PPP1R9A: variants seen among roughly 807,000 people sequenced by gnomAD.
PPP1R9A encodes the protein neurabin-1.
In PPP1R9A, 59 loss-of-function variants were observed where a neutral mutation model predicts 141.9. That is an observed-to-expected ratio of 0.42 (90% confidence interval 0.34 to 0.52). The LOEUF (loss-of-function observed/expected upper bound fraction) is 0.52, where lower values mean the gene tolerates loss of function less well. Among genes scored for constraint, PPP1R9A ranks in the 20% least tolerant of loss-of-function variants. The pLI, the probability that PPP1R9A is intolerant of heterozygous loss-of-function variation, is 0.10. For missense variants in PPP1R9A, 1,444 were observed against 1,611.9 expected (o/e 0.90, Z 1.78); for synonymous variants, 500 against 569.7 (o/e 0.88, Z 1.74).
At chr7:95,007,932 C>T (rs913280377) in intron 2 of PPP1R9A, among the ~76,000 whole-genome samples, 5 of 151,964 alleles carry the variant, frequency 3.3e-5, no homozygotes, top group African/African-American at 9.7e-5. Flanking sequence ...ATTAGCTGGG[C>T]GTGGTGGTGC....
chr7:95,296,150 A>G lies in PPP1R9A; in HGVS notation c.*5847A>G, dbSNP rs1168718358. The G allele has an allele frequency of 6.6e-6, 1 of 152,636 alleles. No individual in the cohort carries two copies. The highest frequency in any genetic ancestry group is 1.5e-5 in the Non-Finnish European group (1 of 68,040). 9.5% of individuals were successfully genotyped at this position (152,636 alleles called of 1,614,324 possible). A position where few individuals can be genotyped will look rare whatever the true frequency, so the allele number is the denominator to read the frequency against. On this transcript the variant is annotated 3_prime_UTR_variant, in exon 20 of 20. Transcript: ENST00000433360. ...TCTGATCATTTGCATGGAAGAGACA[A>G]TAGTGCCACGTCTGAATTGTTCTCT... is the stretch of plus-strand genomic sequence containing the variant.
At chr7:95,217,984 G>A (rs1435209424) in intron 7 of PPP1R9A, among the ~76,000 whole-genome samples, 1 of 152,076 alleles carries the variant, frequency 6.6e-6, no homozygotes, top group African/African-American at 2.4e-5. Flanking sequence ...GTTCCACTCT[G>A]ATCTTAGTGA....
intron 12 of PPP1R9A, among the ~76,000 whole-genome samples, chr7:95,259,927 A>G (rs551878083): frequency 4.5e-4 from 69 of 152,240 alleles, no homozygotes; most frequent in African/African-American, 1.5e-3. Flanking sequence ...TTTTGCATAC[A>G]GATATAATGT....
chr7:95,267,526 G>A (rs552137713), intron 12 of PPP1R9A, among the ~76,000 whole-genome samples: 1 of 152,060 alleles, frequency 6.6e-6, no homozygotes, highest in African/African-American at 2.4e-5. Flanking sequence ...GTATGTTAAT[G>A]GGTACCTTTC....
At chr7:94,956,195 A>G (rs1283218119) in intron 2 of PPP1R9A, among the ~76,000 whole-genome samples, 4 of 152,110 alleles carry the variant, frequency 2.6e-5, no homozygotes, top group East Asian at 1.9e-4. Context: ...CCTTGGCTCT[A>G]AAGTACCGGT....
chr7:94,956,727 A>G (rs1797114311), intron 2 of PPP1R9A, among the ~76,000 whole-genome samples: 1 of 152,030 alleles, frequency 6.6e-6, no homozygotes, highest in Non-Finnish European at 1.5e-5. Context: ...AAAAAGTGGT[A>G]TGTAGAGATG....
intron 2 of PPP1R9A, among the ~76,000 whole-genome samples, chr7:95,077,090 A>G (rs1300741525): frequency 2.6e-5 from 4 of 152,108 alleles, no homozygotes; most frequent in African/African-American, 4.8e-5. Context: ...GTGTAAATAT[A>G]GAGTTGGCTT....
chr7:95,102,876 C>T (rs1476961208), intron 2 of PPP1R9A, among the ~76,000 whole-genome samples: 1 of 152,116 alleles, frequency 6.6e-6, no homozygotes. Flanking sequence ...TATGGGTCAA[C>T]GTTGGTAGGC....
chr7:95,044,708 C>T (rs999047907), intron 2 of PPP1R9A, among the ~76,000 whole-genome samples: 15 of 135,766 alleles, frequency 1.1e-4, no homozygotes, highest in African/African-American at 4.3e-4. Context: ...CCACACCCAG[C>T]TAATTAAATA....
chr7:95,253,533 G>A (rs1215763075), intron 12 of PPP1R9A, among the ~76,000 whole-genome samples: 1 of 148,748 alleles, frequency 6.7e-6, no homozygotes, highest in African/African-American at 2.5e-5. Flanking sequence ...CTCTTAGGCA[G>A]CTGAAAGAGG....
At chr7:94,946,400 A>G (rs1795900339) in intron 2 of PPP1R9A, among the ~76,000 whole-genome samples, 1 of 152,094 alleles carries the variant, frequency 6.6e-6, no homozygotes, top group South Asian at 2.1e-4. Flanking sequence ...TTATGGAGGC[A>G]CTGTGTAGAG....
intron 2 of PPP1R9A, among the ~76,000 whole-genome samples, chr7:95,040,445 C>G (rs1409680245): frequency 6.6e-6 from 1 of 151,600 alleles, no homozygotes; most frequent in African/African-American, 2.4e-5. Context: ...TTGAGACCAG[C>G]CTGGGCAATA....
At chr7:95,100,600 C>T (rs533676733) in intron 2 of PPP1R9A, among the ~76,000 whole-genome samples, 1 of 152,168 alleles carries the variant, frequency 6.6e-6, no homozygotes, top group African/African-American at 2.4e-5. Flanking sequence ...GGAAGAAACA[C>T]ATGAGAGGTA....
At chr7:95,273,819 A>G in intron 14 of PPP1R9A, 80 bp from the exon 15 acceptor site, 9 of 1,275,896 alleles carry the variant, frequency 7.1e-6, no homozygotes, top group Non-Finnish European at 9.7e-6. Context: ...AAGCCCTTAG[A>G]TTCAGAGATG....
At chr7:95,051,633 G>A (rs1810812769) in intron 2 of PPP1R9A, among the ~76,000 whole-genome samples, 1 of 152,074 alleles carries the variant, frequency 6.6e-6, no homozygotes, top group African/African-American at 2.4e-5. Flanking sequence ...ATTTACTGAG[G>A]TATGAAAAAG....
intron 2 of PPP1R9A, among the ~76,000 whole-genome samples, chr7:95,063,057 A>G (rs1177942875): frequency 6.6e-6 from 1 of 152,194 alleles, no homozygotes; most frequent in Non-Finnish European, 1.5e-5. Context: ...TATCTGAGCC[A>G]TGTAAACTTT....
intron 12 of PPP1R9A, among the ~76,000 whole-genome samples, chr7:95,264,350 C>A (rs1160961107): frequency 6.6e-6 from 1 of 152,154 alleles, no homozygotes; most frequent in East Asian, 1.9e-4. Context: ...GAGCAGACCC[C>A]ATTGTTATGC....
At chr7:95,087,479 A>G (rs1183618704) in intron 2 of PPP1R9A, among the ~76,000 whole-genome samples, 2 of 152,094 alleles carry the variant, frequency 1.3e-5, no homozygotes, top group African/African-American at 4.8e-5. Context: ...TTGCTGGGTC[A>G]TGGGCGTAAT....
rs923379442 is a variant in PPP1R9A, at chr7:95,101,063, A to G, written c.1396-10196A>G. On this transcript the variant is annotated intron_variant, in intron 2 of 19. Coordinates refer to ENST00000433360, the MANE Select transcript of PPP1R9A (RefSeq NM_001166160.2). ...GAGACGGGGTTTCACCGTGTTAGCCAGGATGGTCTCGATCTCCTGACCTCG... is the reference window on the plus strand; with the variant it reads ...GAGACGGGGTTTCACCGTGTTAGCCGGGATGGTCTCGATCTCCTGACCTCG... 5.9e-5 allele frequency among the ~76,000 whole-genome samples: 9 copies of G among 151,714 alleles called. No homozygotes were observed. The East Asian group carries it at 1.4e-3, about 23-fold the overall frequency.
Sources: gnomAD v4.1 joint callset for allele counts (sites outside exome capture counted in the v4.1 genomes callset) on GRCh38, gnomAD v4.1.1 for gene constraint, MANE v1.5 for transcripts, NCBI Gene and HGNC (gene_info 2026-07-23, HGNC 2026-07-21) for gene names.